KCND2: variants seen among roughly 807,000 people sequenced by gnomAD.
KCND2 encodes the protein potassium voltage-gated channel subfamily D member 2, also known as A-type voltage-gated potassium channel KCND2.
Under a neutral mutation model 54.4 loss-of-function variants are expected in KCND2, and 16 were observed. That is an observed-to-expected ratio of 0.29 (90% CI 0.20 to 0.45). The LOEUF is 0.45. Ranked by LOEUF, KCND2 falls within the 20% of genes least tolerant of loss-of-function variation. KCND2 has a pLI of 1.00. For synonymous variants in KCND2, 317 were observed against 310.7 expected, an observed-to-expected ratio of 1.02 and a Z score of -0.21; for missense variants, 486 against 824.2, an observed-to-expected ratio of 0.59 and a Z score of 5.02.
chr7:120,341,524 T>A (rs1400523429), intron 1 of KCND2, among the ~76,000 whole-genome samples: 3 of 151,948 alleles, frequency 2.0e-5, no homozygotes, highest in Non-Finnish European at 4.4e-5. Flanking sequence ...ACTGCTAGAG[T>A]TGGGATACTA....
At chr7:120,708,014 A>C (rs1019809291) in intron 1 of KCND2, among the ~76,000 whole-genome samples, 5 of 152,086 alleles carry the variant, frequency 3.3e-5, no homozygotes, top group Admixed American at 3.3e-4. Flanking sequence ...AAAAGGTAAA[A>C]AAGCTTCATT....
At chr7:120,303,985 T>A (rs1243165900) in intron 1 of KCND2, among the ~76,000 whole-genome samples, 2 of 152,204 alleles carry the variant, frequency 1.3e-5, no homozygotes, top group African/African-American at 2.4e-5. Flanking sequence ...GTGCTTGCAA[T>A]GGTGCCTTTA....
intron 1 of KCND2, among the ~76,000 whole-genome samples, chr7:120,521,829 T>C (rs988173845): frequency 2.0e-5 from 3 of 152,136 alleles, no homozygotes; most frequent in African/African-American, 4.8e-5. Flanking sequence ...ACTTGTAGTG[T>C]TATAGCAAAA....
At chr7:120,676,190 A>C (rs944226299) in intron 1 of KCND2, among the ~76,000 whole-genome samples, 1 of 152,214 alleles carries the variant, frequency 6.6e-6, no homozygotes, top group East Asian at 1.9e-4. Context: ...GATGTTCAAC[A>C]AATGGCTGTT....
intron 1 of KCND2, among the ~76,000 whole-genome samples, chr7:120,505,317 T>C (rs1802997282): frequency 6.6e-6 from 1 of 151,432 alleles, no homozygotes; most frequent in Admixed American, 6.6e-5. Flanking sequence ...CAAAAGCAAA[T>C]CTCAGGGCAG....
chr7:120,572,872 G>A (rs1792383422), intron 1 of KCND2, among the ~76,000 whole-genome samples: 1 of 152,118 alleles, frequency 6.6e-6, no homozygotes, highest in South Asian at 2.1e-4. Context: ...GTTTGAAATG[G>A]AATCTAAGGA....
intron 1 of KCND2, among the ~76,000 whole-genome samples, chr7:120,512,432 C>A (rs1452524226): frequency 6.6e-6 from 1 of 151,456 alleles, no homozygotes; most frequent in African/African-American, 2.4e-5. Context: ...AAAAAAAAGT[C>A]ATTGAAGCTA....
In KCND2 at chr7:120,605,130, T is replaced by C. The variant is rs951925289; in HGVS notation, c.1116-127773T>C. Among the ~76,000 whole-genome samples, 9 of 152,190 alleles carry C rather than the reference T, an allele frequency of 5.9e-5. No individual in the cohort carries two copies. In the East Asian group the frequency reaches 1.7e-3, roughly 29 times the overall value. ...ACCCCCATGCTACATTTGGCAATGT[T>C]TGGAAACAGTTGCACAACCATGACC... On this transcript the variant is annotated intron_variant, in intron 1 of 5. Coordinates refer to ENST00000331113, the MANE Select transcript of KCND2 (RefSeq NM_012281.3).
intron 1 of KCND2, among the ~76,000 whole-genome samples, chr7:120,546,742 A>G (rs926941307): frequency 5.9e-5 from 9 of 152,028 alleles, no homozygotes; most frequent in African/African-American, 2.2e-4. Flanking sequence ...TCATTCATCA[A>G]GTACACAAAT....
At chr7:120,688,288 A>G (rs150712384) in intron 1 of KCND2, among the ~76,000 whole-genome samples, 1 of 152,314 alleles carries the variant, frequency 6.6e-6, no homozygotes, top group African/African-American at 2.4e-5. Context: ...GTCTCTGTCA[A>G]AACCACTCAG....
At chr7:120,411,271 C>A (rs1801445690) in intron 1 of KCND2, among the ~76,000 whole-genome samples, 1 of 151,626 alleles carries the variant, frequency 6.6e-6, no homozygotes, top group African/African-American at 2.4e-5. Context: ...CCTTAAAGAT[C>A]ATTTATATAG....
intron 1 of KCND2, among the ~76,000 whole-genome samples, chr7:120,326,483 G>A (rs549882333): frequency 1.3e-5 from 2 of 152,126 alleles, no homozygotes; most frequent in African/African-American, 2.4e-5. Flanking sequence ...ATAGATGTGT[G>A]TAAACATTCA....
intron 1 of KCND2, among the ~76,000 whole-genome samples, chr7:120,589,361 A>T (rs1170447799): frequency 6.6e-6 from 1 of 152,254 alleles, no homozygotes; most frequent in Non-Finnish European, 1.5e-5. Flanking sequence ...ATTCTTACAA[A>T]AAATACACAT....
chr7:120,412,374 A>G (rs1801463691), intron 1 of KCND2, among the ~76,000 whole-genome samples: 1 of 151,968 alleles, frequency 6.6e-6, no homozygotes, highest in Non-Finnish European at 1.5e-5. Flanking sequence ...GTCTTGTGCC[A>G]TTTCCTTTTC....
intron 1 of KCND2, among the ~76,000 whole-genome samples, chr7:120,433,569 C>A (rs1801824051): frequency 6.6e-6 from 1 of 152,148 alleles, no homozygotes; most frequent in Non-Finnish European, 1.5e-5. Context: ...TAGACTGTTA[C>A]CCCTTGGTGT....
intron 1 of KCND2, among the ~76,000 whole-genome samples, chr7:120,661,670 G>C (rs1487145073): frequency 1.3e-5 from 2 of 151,678 alleles, no homozygotes; most frequent in Non-Finnish European, 2.9e-5. Flanking sequence ...AAGAAAGAAA[G>C]GAGAGCAGGA....
At chr7:120,460,212 A>G (rs941094114) in intron 1 of KCND2, among the ~76,000 whole-genome samples, 1 of 152,148 alleles carries the variant, frequency 6.6e-6, no homozygotes, top group African/African-American at 2.4e-5. Flanking sequence ...TTAAATGTGT[A>G]CTATAGACCA....
chr7:120,709,331 G>A (rs1792509446), intron 1 of KCND2, among the ~76,000 whole-genome samples: 1 of 152,082 alleles, frequency 6.6e-6, no homozygotes, highest in African/African-American at 2.4e-5. Flanking sequence ...GCAAATATGA[G>A]TATTTAATTT....
chr7:120,547,477 A>G (rs974971439), intron 1 of KCND2, among the ~76,000 whole-genome samples: 13 of 151,912 alleles, frequency 8.6e-5, no homozygotes, highest in Admixed American at 6.6e-4. Flanking sequence ...CTCTGGCAAA[A>G]TGACAAGCAG....
Sources: allele counts gnomAD v4.1 joint callset (sites outside exome capture counted in the v4.1 genomes callset), GRCh38; gene constraint gnomAD v4.1.1; transcripts MANE v1.5; gene names NCBI Gene and HGNC (gene_info 2026-07-23, HGNC 2026-07-21).